The following PTP4A1 variants were observed in gnomAD, a reference collection of about 807,000 sequenced individuals.
The protein encoded by PTP4A1 is protein tyrosine phosphatase 4A1.
A neutral mutation model predicts 20.5 loss-of-function variants in PTP4A1; 9 were observed. The observed-to-expected ratio is 0.44, with a 90% CI of 0.26 to 0.77. PTP4A1 has a LOEUF of 0.77. PTP4A1 is among the 30% of genes least tolerant of loss of function. PTP4A1 has a pLI of 0.19. For missense variants in PTP4A1, 137 were observed against 218.8 expected, an observed-to-expected ratio of 0.63 and a Z score of 2.36; for synonymous variants, 78 against 67.4, an observed-to-expected ratio of 1.16 and a Z score of -0.77.
chr6:63,567,895 T>C (rs1038737534), upstream of PTP4A1, among the ~76,000 whole-genome samples: 1 of 152,236 alleles, frequency 6.6e-6, no homozygotes, highest in Non-Finnish European at 1.5e-5. Flanking sequence ...CCTTTCATTT[T>C]TATGTTAGGG....
In PTP4A1 at chr6:63,535,757, G is replaced by A. The variant is rs150867694; in HGVS notation, c.-640+7673G>A. ...AGGATCACAAAGCTGACAGCCTTCC[G>A]GAAGATTATGGCTAGTTAAAAATCA... is the stretch of plus-strand genomic sequence containing the variant. On this transcript the variant is annotated intron_variant, in intron 2 of 3. Transcript: ENST00000639568. Among the ~76,000 whole-genome samples the A allele has an allele frequency of 8.1e-4, 124 of 152,224 alleles. 3 individuals carry two copies. The East Asian group carries it at 0.017, about 20-fold the overall frequency.
intron 2 of PTP4A1, 81 bp downstream of exon 2, chr6:63,577,066 T>C: frequency 9.0e-7 from 1 of 1,112,714 alleles, no homozygotes; most frequent in South Asian, 1.4e-5. Context: ...AAAAACTACT[T>C]TGGAAAAAAT....
intron 2 of PTP4A1, among the ~76,000 whole-genome samples, chr6:63,539,398 C>T (rs996316182): frequency 1.3e-5 from 2 of 152,122 alleles, no homozygotes; most frequent in African/African-American, 4.8e-5. Context: ...CCAACCTCAA[C>T]CATAGGGGTA....
At chr6:63,572,315 A>G (rs1777481280), upstream of PTP4A1, 1 of 225,962 alleles carries the variant, frequency 4.4e-6, no homozygotes, top group Admixed American at 5.8e-5. Context: ...TTAGCCATTC[A>G]TCAACCGGTT....
At chr6:63,548,932 G>T in intron 2 of PTP4A1, 1 of 883,610 alleles carries the variant, frequency 1.1e-6, no homozygotes, top group South Asian at 1.3e-5. Flanking sequence ...CTGTGGACTA[G>T]ACGTCCCAGT....
chr6:63,531,315 G>A (rs1562113257), intron 2 of PTP4A1, among the ~76,000 whole-genome samples: 1 of 152,104 alleles, frequency 6.6e-6, no homozygotes, highest in African/African-American at 2.4e-5. Flanking sequence ...ACCGATTTGT[G>A]AGGCCTGTAA....
intron 2 of PTP4A1, among the ~76,000 whole-genome samples, chr6:63,578,063 CT>C (rs1162925327): frequency 6.6e-6 from 1 of 151,894 alleles, no homozygotes; most frequent in Admixed American, 6.6e-5. Flanking sequence ...TAAATAATGC[CT>C]TTAGTTACAT....
intron 1 of PTP4A1, chr6:63,573,729 G>C (rs1777655822): frequency 6.6e-6 from 1 of 152,246 alleles, no homozygotes; most frequent in Non-Finnish European, 1.5e-5. Context: ...GTCTAGTCTT[G>C]TCCTTTCTCT....
Position 63,562,529 on chromosome 6 carries a change from T to C in PTP4A1, c.-446+12036T>C, listed in dbSNP as rs547539616. Among the ~76,000 whole-genome samples the C allele has an allele frequency of 9.8e-5, 15 of 152,330 alleles. No homozygotes were observed. In the South Asian group the frequency reaches 3.1e-3, roughly 32 times the overall value. On this transcript the variant is annotated intron_variant, in intron 3 of 3. Coordinates refer to the PTP4A1 transcript ENST00000639568. Reference sequence around the variant, plus strand: ...CTTTTAATATCCGAAAAGTATTTCATTATATAGATACTTCAAGTGATATCA... The same window carrying C: ...CTTTTAATATCCGAAAAGTATTTCACTATATAGATACTTCAAGTGATATCA...
At chr6:63,558,061 G>A (rs903167901) in intron 3 of PTP4A1, among the ~76,000 whole-genome samples, 2 of 151,800 alleles carry the variant, frequency 1.3e-5, no homozygotes, top group South Asian at 2.1e-4. Context: ...TAGTAGAGAC[G>A]GGGTTTCACC....
At chr6:63,549,869 A>G (rs978274551) in intron 2 of PTP4A1, among the ~76,000 whole-genome samples, 2 of 152,214 alleles carry the variant, frequency 1.3e-5, no homozygotes, top group Admixed American at 1.3e-4. Context: ...TTGCAACTAC[A>G]TAGGAATAAA....
In PTP4A1 at chr6:63,574,201, A is replaced by G. The variant is rs150127495; in HGVS notation, c.-446+1482A>G. 1.8e-4 allele frequency among the ~76,000 whole-genome samples: 27 copies of G among 152,296 alleles called. No individual in the cohort carries two copies. In the East Asian group the frequency reaches 5.0e-3, roughly 28 times the overall value. ...CTTAGGTGCCCTAAGACCTAAATAG[A>G]TGTGGAACAGACTATACAACGAATT... is the stretch of plus-strand genomic sequence containing the variant. On this transcript the variant is annotated intron_variant, in intron 1 of 5. Coordinates refer to ENST00000626021, the MANE Select transcript of PTP4A1 (RefSeq NM_003463.5).
At chr6:63,552,440 T>A (rs1776493728) in intron 3 of PTP4A1, among the ~76,000 whole-genome samples, 2 of 152,250 alleles carry the variant, frequency 1.3e-5, no homozygotes, top group East Asian at 1.9e-4. Flanking sequence ...ATTAGCCCTT[T>A]GTCAGATGAG....
chr6:63,581,466 GT>G lies in PTP4A1; in HGVS notation c.*1295del, dbSNP rs1157107586. 1 of 152,490 alleles carries G rather than the reference GT, an allele frequency of 6.6e-6. No homozygotes were observed. The highest frequency in any genetic ancestry group is 1.5e-5 in the Non-Finnish European group (1 of 67,986). 9.4% of individuals were successfully genotyped at this position (152,490 alleles called of 1,614,324 possible). On this transcript the variant is annotated 3_prime_UTR_variant, in exon 6 of 6. Transcript: ENST00000626021. ...CATGCATTTATCATCATTGAGATTGGTTTGCTTAAAATTAACTTATTTTGTA... is the reference window on the plus strand; with the variant it reads ...CATGCATTTATCATCATTGAGATTGGTTGCTTAAAATTAACTTATTTTGTA...
rs1385392976 is a variant in PTP4A1, at chr6:63,563,670, CTGGCAT to C, written c.-445-12765_-445-12760del. On this transcript the variant is annotated intron_variant, in intron 3 of 3. Transcript: ENST00000639568. Reference sequence around the variant, plus strand: ...TGTTATTCATAAGATAGCAGAGTGCCTGGCATATGCTAGGCATTTAACACATATGTG... The same window carrying C: ...TGTTATTCATAAGATAGCAGAGTGCCATGCTAGGCATTTAACACATATGTG... Among the ~76,000 whole-genome samples, 3 of 152,152 alleles carry C rather than the reference CTGGCAT, an allele frequency of 2.0e-5. No individual in the cohort carries two copies. The East Asian group carries it at 5.8e-4, about 29-fold the overall frequency.
In PTP4A1 at chr6:63,557,869, T is replaced by C. The variant is rs183844678; in HGVS notation, c.-446+7376T>C. 1.9e-3 allele frequency among the ~76,000 whole-genome samples: 292 copies of C among 152,212 alleles called. 1 individual carries two copies. Among genetic ancestry groups the C allele is most frequent in the African/African-American group, 5.5e-3 (229 of 41,542 alleles). On this transcript the variant is annotated intron_variant, in intron 3 of 3. Coordinates refer to the PTP4A1 transcript ENST00000639568. ...AGAGGATAGCAAGATCAGATATGCA[T>C]TTTTTAAAATGATACTGAACATATG...
chr6:63,573,338 A>G (rs995149226), intron 1 of PTP4A1: 10 of 151,582 alleles, frequency 6.6e-5, no homozygotes, highest in Admixed American at 2.0e-4. Context: ...GGTGGTAACG[A>G]TCTGGTTCCA....
At chr6:63,538,561 A>C (rs1775815963) in intron 2 of PTP4A1, among the ~76,000 whole-genome samples, 1 of 152,270 alleles carries the variant, frequency 6.6e-6, no homozygotes, top group South Asian at 2.1e-4. Context: ...TAGGATTTTG[A>C]AACTTGGTCC....
chr6:63,536,881 G>A (rs975502444), intron 2 of PTP4A1, among the ~76,000 whole-genome samples: 1 of 152,046 alleles, frequency 6.6e-6, no homozygotes, highest in African/African-American at 2.4e-5. Flanking sequence ...TCCCCCTAAA[G>A]CATTCCAATT....
Sources: gnomAD v4.1 joint callset for allele counts (sites outside exome capture counted in the v4.1 genomes callset) on GRCh38, gnomAD v4.1.1 for gene constraint, MANE v1.5 for transcripts, NCBI Gene and HGNC (gene_info 2026-07-23, HGNC 2026-07-21) for gene names.